The following MICU3 variants were observed in gnomAD, a reference collection of about 807,000 sequenced individuals.
The protein encoded by MICU3 is mitochondrial calcium uptake 3.
In MICU3, 62 loss-of-function variants were observed where a neutral mutation model predicts 66.5. That is an observed-to-expected ratio of 0.93 (90% CI 0.76 to 1.15). The LOEUF is 1.15. Among genes scored for constraint, MICU3 ranks in the 50% most tolerant of loss-of-function variants. The pLI is 0.00. For missense variants in MICU3, 779 were observed against 664.4 expected (o/e 1.17, Z -1.90); for synonymous variants, 308 against 240.7 (o/e 1.28, Z -2.59).
chr8:17,122,879 C>CATTG (rs1803290307), downstream of MICU3, among the ~76,000 whole-genome samples: 1 of 146,822 alleles, frequency 6.8e-6, no homozygotes, highest in East Asian at 2.0e-4. Flanking sequence ...GAATTATGGT[C>CATTG]ATTGGTACTG....
At chr8:17,128,986 T>A in the MICU3 span, among the ~76,000 whole-genome samples, 1 of 152,196 alleles carries the variant, frequency 6.6e-6, no homozygotes, top group East Asian at 1.9e-4. Context: ...GGTCCCATAG[T>A]GCTGGGAGCC....
chr8:17,044,947 T>G (rs976330681), intron 1 of MICU3, among the ~76,000 whole-genome samples: 2 of 152,108 alleles, frequency 1.3e-5, no homozygotes, highest in Non-Finnish European at 2.9e-5. Context: ...TATCTGTACT[T>G]CACTGGCCAA....
chr8:17,050,328 T>G (rs1351648446), intron 1 of MICU3, among the ~76,000 whole-genome samples: 2 of 151,688 alleles, frequency 1.3e-5, no homozygotes, highest in African/African-American at 2.4e-5. Context: ...TATATTTTAT[T>G]TAATATTATA....
intron 4 of MICU3, among the ~76,000 whole-genome samples, chr8:17,080,073 T>C (rs1820952965): frequency 6.6e-6 from 1 of 151,992 alleles, no homozygotes; most frequent in South Asian, 2.1e-4. Flanking sequence ...CATTACTATA[T>C]GCCTAGCTTT....
At chr8:17,119,183 A>G (rs1245638833) in intron 14 of MICU3, among the ~76,000 whole-genome samples, 4 of 152,162 alleles carry the variant, frequency 2.6e-5, no homozygotes, top group East Asian at 1.9e-4. Context: ...AGAAAAATCA[A>G]TGTTTAACAA....
At chr8:17,104,305 A>G (rs1801538313) in intron 9 of MICU3, 86 bp from the exon 10 acceptor site, 2 of 562,462 alleles carry the variant, frequency 3.6e-6, no homozygotes, top group Non-Finnish European at 6.0e-6. Context: ...TTGTATGTTG[A>G]TAACAGAATT....
At chr8:17,041,155 T>G (rs2705174) in intron 1 of MICU3, among the ~76,000 whole-genome samples, 1 of 151,804 alleles carries the variant, frequency 6.6e-6, no homozygotes, top group African/African-American at 2.4e-5. Flanking sequence ...GTTCAGAATA[T>G]GTAGAATGAG....
At chr8:17,091,811 G>C (rs1439712334) in intron 8 of MICU3, among the ~76,000 whole-genome samples, 1 of 152,046 alleles carries the variant, frequency 6.6e-6, no homozygotes, top group Non-Finnish European at 1.5e-5. Context: ...GAATGTGTAA[G>C]ATGAAAATCT....
chr8:17,091,721 A>G (rs1373753393), intron 8 of MICU3, among the ~76,000 whole-genome samples: 1 of 151,602 alleles, frequency 6.6e-6, no homozygotes, highest in East Asian at 1.9e-4. Context: ...AGAAATCACT[A>G]CTCTTTTCCA....
intron 11 of MICU3, among the ~76,000 whole-genome samples, chr8:17,111,524 T>C (rs376126704): frequency 1.3e-5 from 2 of 152,224 alleles, no homozygotes; most frequent in South Asian, 4.1e-4. Context: ...TGTTTTTAGT[T>C]TGATGAAGTC....
intron 4 of MICU3, among the ~76,000 whole-genome samples, chr8:17,080,307 C>G (rs957853739): frequency 6.6e-6 from 1 of 152,114 alleles, no homozygotes; most frequent in African/African-American, 2.4e-5. Flanking sequence ...ATCCTACAGA[C>G]AAACGCCTAC....
intron 1 of MICU3, among the ~76,000 whole-genome samples, chr8:17,052,163 C>T (rs73539156): frequency 0.015 from 2,267 of 152,102 alleles, 56 homozygotes; most frequent in African/African-American, 0.052. Context: ...GTAAAGAACC[C>T]TATAATGTAA....
At chr8:17,088,769 C>G (rs994198092) in intron 7 of MICU3, among the ~76,000 whole-genome samples, 5 of 151,824 alleles carry the variant, frequency 3.3e-5, no homozygotes, top group African/African-American at 1.2e-4. Context: ...AAAATATTAG[C>G]AGACAATGCA....
intron 9 of MICU3, 24 bp from the exon 10 acceptor site, chr8:17,104,367 T>G (rs762046314): frequency 7.9e-7 from 1 of 1,270,896 alleles, no homozygotes; most frequent in East Asian, 2.6e-5. Flanking sequence ...GAAGCTAACT[T>G]TTAAATTGTG....
At chr8:17,046,383 T>G (rs1195141263) in intron 1 of MICU3, among the ~76,000 whole-genome samples, 1 of 152,178 alleles carries the variant, frequency 6.6e-6, no homozygotes, top group Non-Finnish European at 1.5e-5. Flanking sequence ...ATTGTTGTGT[T>G]GGTCTGAGAG....
chr8:17,077,839 A>G lies in MICU3; in HGVS notation c.624A>G (p.Leu208=). Residue 208 remains leucine (L), a synonymous_variant, in exon 4 of 15, where the codon CTA becomes CTG. Coordinates refer to ENST00000318063, the MANE Select transcript of MICU3 (RefSeq NM_181723.3). ...CAGTTTGGAAAGGCTCATCGAAGCT[A>G]TTTCGAAATCTTAAAGAAAAAGGTG... ...TPPVWKGSSK[L]FRNLKEKGVI... 6.2e-7 allele frequency: 1 copy of G among 1,608,860 alleles called. No individual in the cohort carries two copies. Among genetic ancestry groups the G allele is most frequent in the African/African-American group, 1.3e-5 (1 of 74,890 alleles).
intron 5 of MICU3, among the ~76,000 whole-genome samples, chr8:17,082,289 G>A (rs1821304907): frequency 6.6e-6 from 1 of 152,038 alleles, no homozygotes; most frequent in Non-Finnish European, 1.5e-5. Flanking sequence ...TCTATTCCTT[G>A]AATTGCCGCC....
At chr8:17,036,532 A>G (rs1813022396) in intron 1 of MICU3, among the ~76,000 whole-genome samples, 1 of 152,074 alleles carries the variant, frequency 6.6e-6, no homozygotes, top group African/African-American at 2.4e-5. Flanking sequence ...TCCCTGAGCT[A>G]GATACAAAGG....
intron 8 of MICU3, among the ~76,000 whole-genome samples, chr8:17,096,556 G>A (rs1800713740): frequency 6.6e-6 from 1 of 151,782 alleles, no homozygotes; most frequent in Non-Finnish European, 1.5e-5. Context: ...AGTAGTTGCT[G>A]TAAGGATGTT....
Sources: gnomAD v4.1 joint callset for allele counts (sites outside exome capture counted in the v4.1 genomes callset) on GRCh38, gnomAD v4.1.1 for gene constraint, MANE v1.5 for transcripts, NCBI Gene and HGNC (gene_info 2026-07-23, HGNC 2026-07-21) for gene names.